Variants in ALDH1L1 observed in about 807,000 individuals in gnomAD.
The protein encoded by ALDH1L1 is aldehyde dehydrogenase 1 family member L1, also known as cytosolic 10-formyltetrahydrofolate dehydrogenase.
Under a neutral mutation model 101.1 loss-of-function variants are expected in ALDH1L1, and 68 were observed. The observed-to-expected ratio is 0.67, with a 90% CI of 0.55 to 0.82. ALDH1L1 has a LOEUF of 0.82. Among genes scored for constraint, ALDH1L1 ranks in the 40% least tolerant of loss-of-function variants. The probability of loss-of-function intolerance (pLI) is 0.00; values close to 1 mark genes in which losing one functional copy is unlikely to be tolerated. For missense variants in ALDH1L1, 1,087 were observed against 1,172.7 expected (o/e 0.93, Z 1.07); for synonymous variants, 486 against 470.8 (o/e 1.03, Z -0.42).
At chr3:126,114,774 C>T in intron 17 of ALDH1L1, 118 bp from the exon 18 acceptor site, 1 of 912,200 alleles carries the variant, frequency 1.1e-6, no homozygotes, top group Non-Finnish European at 1.8e-6. Context: ...GAAGCAAGAC[C>T]CGGCCAGTGC....
At chr3:126,180,346 GC>G in intron 1 of ALDH1L1, 129 bp downstream of exon 1, 1 of 675,164 alleles carries the variant, frequency 1.5e-6, no homozygotes, top group Non-Finnish European at 1.8e-6. Context: ...AAGTTGATGG[GC>G]CCCGCAGGAG....
intron 16 of ALDH1L1, among the ~76,000 whole-genome samples, chr3:126,119,787 AAAAC>A (rs997468123): frequency 1.3e-5 from 2 of 152,238 alleles, no homozygotes; most frequent in Admixed American, 6.5e-5. Flanking sequence ...CAACAATAAG[AAAAC>A]AAACAACCAC....
Position 126,135,646 on chromosome 3 carries a change from G to A in ALDH1L1, c.1361C>T (p.Ser454Phe). 6.4e-7 allele frequency: 1 copy of A among 1,568,672 alleles called. No homozygotes were observed. The highest frequency in any genetic ancestry group is 8.6e-7 in the Non-Finnish European group (1 of 1,156,378). ...GTCGACGTCGGTGACTTGGGCCAGG[G>A]ATACCTGGCAGATGACCTATAGTGG... ...PTDGSVICQV[S>F]LAQVTDVDKA... The change falls in exon 12 of 23, where the codon TCC (serine) becomes TTC (phenylalanine). Residue 454 changes from serine to phenylalanine, a missense_variant. By Grantham distance (155) the Ser-to-Phe change is radical (BLOSUM62 -2). Around this residue, in one of 2 missense-constraint regions of ALDH1L1, gnomAD observed 645 missense variants for 637.0 expected, o/e 1.01. Coordinates refer to ENST00000393434, the MANE Select transcript of ALDH1L1 (RefSeq NM_012190.4).
intron 15 of ALDH1L1, among the ~76,000 whole-genome samples, chr3:126,124,966 T>C (rs546537956): frequency 6.6e-6 from 1 of 152,312 alleles, no homozygotes; most frequent in Admixed American, 6.5e-5. Context: ...GGTGCCCTCC[T>C]GGGCACACCA....
chr3:126,158,653 G>A lies in ALDH1L1; in HGVS notation c.128-14C>T, dbSNP rs1427996938. On this transcript the variant is annotated splice_polypyrimidine_tract_variant and intron_variant, in intron 2 of 22. Coordinates refer to ENST00000393434, the MANE Select transcript of ALDH1L1 (RefSeq NM_012190.4). ...CAGCTTCCAGACCTGTGGGACGGTG[G>A]ATAAGAAACTGGCCCCTCTCCATAA... 1 of 1,604,652 alleles carries A rather than the reference G, an allele frequency of 6.2e-7. No homozygotes were observed. The highest frequency in any genetic ancestry group is 2.2e-5 in the East Asian group (1 of 44,554).
intron 16 of ALDH1L1, among the ~76,000 whole-genome samples, chr3:126,121,178 G>A (rs1052662281): frequency 2.6e-5 from 4 of 152,192 alleles, no homozygotes; most frequent in Admixed American, 6.5e-5. Flanking sequence ...GCTAGGAGGA[G>A]GCAAAGAATT....
intron 1 of ALDH1L1, among the ~76,000 whole-genome samples, chr3:126,174,815 C>A (rs2081342915): frequency 6.6e-6 from 1 of 151,968 alleles, no homozygotes; most frequent in South Asian, 2.1e-4. Context: ...GAGCTAAAAG[C>A]AAGTTTCCAA....
chr3:126,171,191 A>G (rs1388482465), intron 1 of ALDH1L1, among the ~76,000 whole-genome samples: 2 of 152,190 alleles, frequency 1.3e-5, no homozygotes, highest in Non-Finnish European at 2.9e-5. Flanking sequence ...CCATCTACTC[A>G]GGAGGCTGAG....
chr3:126,108,754 G>T (rs1207985659), intron 20 of ALDH1L1, among the ~76,000 whole-genome samples: 1 of 152,218 alleles, frequency 6.6e-6, no homozygotes, highest in Non-Finnish European at 1.5e-5. Flanking sequence ...CAAATGCATG[G>T]AGCCCAAGAA....
chr3:126,157,316 A>G, intron 4 of ALDH1L1, 27 bp downstream of exon 4: 2 of 1,595,648 alleles, frequency 1.3e-6, no homozygotes, highest in Non-Finnish European at 1.7e-6. Context: ...CGGGGCGGGC[A>G]GGGCGCGGCC....
chr3:126,109,784 T>G (rs898933022), intron 20 of ALDH1L1, among the ~76,000 whole-genome samples, 160 bp downstream of exon 20: 3 of 152,102 alleles, frequency 2.0e-5, no homozygotes, highest in African/African-American at 7.2e-5. Flanking sequence ...GGTGCCCAAA[T>G]AGCCACAGCC....
chr3:126,144,668 G>A (rs1257821087), intron 9 of ALDH1L1, among the ~76,000 whole-genome samples: 1 of 151,964 alleles, frequency 6.6e-6, no homozygotes, highest in African/African-American at 2.4e-5. Context: ...AATTAAATCG[G>A]ATCCTTATCT....
chr3:126,144,659 ATTAAATCGGATCC>A (rs2080636472), intron 9 of ALDH1L1, among the ~76,000 whole-genome samples: 1 of 152,192 alleles, frequency 6.6e-6, no homozygotes, highest in Non-Finnish European at 1.5e-5. Context: ...ATGCAAAATA[ATTAAATCGGATCC>A]TTATCTTGCC....
chr3:126,111,838 G>A (rs1293948228), intron 19 of ALDH1L1, among the ~76,000 whole-genome samples: 5 of 152,238 alleles, frequency 3.3e-5, no homozygotes, highest in Admixed American at 1.3e-4. Context: ...GGCGGTGGGG[G>A]GCGGTGCTCT....
chr3:126,127,277 C>T (rs2108226349), intron 14 of ALDH1L1, among the ~76,000 whole-genome samples: 1 of 152,326 alleles, frequency 6.6e-6, no homozygotes, highest in African/African-American at 2.4e-5. Context: ...GTGAATCCTC[C>T]CTGCCCAGCT....
chr3:126,111,885 CT>C lies in ALDH1L1; in HGVS notation c.2181+896del, dbSNP rs148164330. On this transcript the variant is annotated intron_variant, in intron 19 of 22. Coordinates refer to ENST00000393434, the MANE Select transcript of ALDH1L1 (RefSeq NM_012190.4). ...AAGCCAACCTCAGCTTGCTCCCCCC[CT>C]GGTATCATGGCCTGGATGAAGGATG... Among the ~76,000 whole-genome samples the C allele has an allele frequency of 5.4e-3, 829 of 152,350 alleles. 7 individuals are homozygous for C. Among genetic ancestry groups the C allele is most frequent in the African/African-American group, 0.018 (755 of 41,564 alleles).
intron 19 of ALDH1L1, 172 bp from the exon 20 acceptor site, chr3:126,110,281 A>G: frequency 1.3e-6 from 1 of 784,494 alleles, no homozygotes; most frequent in Non-Finnish European, 2.0e-6. Flanking sequence ...GAAATCCCAA[A>G]TGGCTCCTAT....
chr3:126,130,938 C>T (rs1385840442), intron 13 of ALDH1L1, among the ~76,000 whole-genome samples: 1 of 152,228 alleles, frequency 6.6e-6, no homozygotes, highest in Non-Finnish European at 1.5e-5. Context: ...AGAATAACTG[C>T]AGGAGCCCCC....
chr3:126,177,546 T>C (rs1316007749), intron 1 of ALDH1L1, among the ~76,000 whole-genome samples: 1 of 151,432 alleles, frequency 6.6e-6, no homozygotes, highest in Non-Finnish European at 1.5e-5. Flanking sequence ...TTGCCAGGGA[T>C]AGGTAGGGGG....
Sources: gnomAD v4.1 joint callset for allele counts (sites outside exome capture counted in the v4.1 genomes callset) on GRCh38, gnomAD v4.1.1 for gene constraint, gnomAD v4.1.1 regional missense constraint, MANE v1.5 for transcripts, NCBI Gene and HGNC (gene_info 2026-07-23, HGNC 2026-07-21) for gene names.